Variants in LRP1B observed in about 807,000 individuals in gnomAD.
LRP1B encodes the protein low-density lipoprotein receptor-related protein 1B.
LRP1B carries 217 observed loss-of-function variants against 556.6 expected under a neutral mutation model. The observed-to-expected ratio is 0.39, with a 90% confidence interval of 0.35 to 0.44. The LOEUF (loss-of-function observed/expected upper bound fraction) is 0.44, where lower values mean the gene tolerates loss of function less well. Ranked by LOEUF, LRP1B falls within the 20% of genes least tolerant of loss-of-function variation. The pLI is 1.00. For synonymous variants in LRP1B, 2,047 were observed against 1,865.8 expected, an observed-to-expected ratio of 1.10 and a Z score of -2.50; for missense variants, 5,053 against 5,620.8, an observed-to-expected ratio of 0.90 and a Z score of 3.23.
At chr2:141,607,215 G>A (rs1212994112) in intron 2 of LRP1B, among the ~76,000 whole-genome samples, 3 of 151,112 alleles carry the variant, frequency 2.0e-5, no homozygotes, top group African/African-American at 7.3e-5. Context: ...ACAGACATAA[G>A]TGAGTGCATA....
intron 57 of LRP1B, among the ~76,000 whole-genome samples, chr2:140,488,110 C>T (rs967510111): frequency 6.6e-6 from 1 of 151,796 alleles, no homozygotes; most frequent in Non-Finnish European, 1.5e-5. Context: ...ATAGTCTGTT[C>T]CATGGAAGAG....
intron 37 of LRP1B, 147 bp from the exon 38 acceptor site, chr2:140,702,700 T>C (rs2105431759): frequency 1.4e-6 from 1 of 694,566 alleles, no homozygotes; most frequent in Non-Finnish European, 2.3e-6. Context: ...AGTGTGCTTA[T>C]GGTTCCGATA....
Position 141,256,313 on chromosome 2 carries a change from A to C in LRP1B, c.344-1672T>G, listed in dbSNP as rs1684463606. Among the ~76,000 whole-genome samples the C allele has an allele frequency of 2.6e-5, 4 of 152,012 alleles. 1 individual carries two copies. The South Asian group carries it at 8.3e-4, about 32-fold the overall frequency. ...TAAATAGAAAGACCTGAAAGCATGCAAGAAACACAGGCAACAATAACGAAC... is the reference window on the plus strand; with the variant it reads ...TAAATAGAAAGACCTGAAAGCATGCCAGAAACACAGGCAACAATAACGAAC... On this transcript the variant is annotated intron_variant, in intron 3 of 90. Transcript: ENST00000389484.
At chr2:140,693,154 A>C (rs1479770634) in intron 41 of LRP1B, among the ~76,000 whole-genome samples, 1 of 152,080 alleles carries the variant, frequency 6.6e-6, no homozygotes, top group African/African-American at 2.4e-5. Flanking sequence ...GTAATATCAT[A>C]TTGTGTTAAT....
At position 140,491,771 on chromosome 2, in the gene LRP1B, C is replaced by T. The variant is rs77274347; in HGVS notation, c.9120+837G>A. 0.01 allele frequency among the ~76,000 whole-genome samples: 1,575 copies of T among 151,974 alleles called. 52 individuals are homozygous for T. In the East Asian group the frequency reaches 0.14, roughly 13 times the overall value. On this transcript the variant is annotated intron_variant, in intron 57 of 90. Coordinates refer to ENST00000389484, the MANE Select transcript of LRP1B (RefSeq NM_018557.3). Reference sequence around the variant, plus strand: ...TGTTAGTTTTTTATAAACAACATAACAATATTTTATATTTTACTCAGTCTT... The same window carrying T: ...TGTTAGTTTTTTATAAACAACATAATAATATTTTATATTTTACTCAGTCTT...
chr2:141,329,469 C>A (rs140246057), intron 3 of LRP1B, among the ~76,000 whole-genome samples: 7,516 of 150,728 alleles, frequency 0.05, 610 homozygotes, highest in African/African-American at 0.17. Context: ...ACAGTGAAAC[C>A]CTGTCTCTAC....
intron 3 of LRP1B, among the ~76,000 whole-genome samples, chr2:141,316,431 T>C (rs921722871): frequency 6.6e-6 from 1 of 152,138 alleles, no homozygotes; most frequent in Non-Finnish European, 1.5e-5. Flanking sequence ...ATTTCCATTG[T>C]ATCACTTTAA....
At chr2:141,871,560 A>G (rs940329540) in intron 1 of LRP1B, among the ~76,000 whole-genome samples, 1 of 152,040 alleles carries the variant, frequency 6.6e-6, no homozygotes, top group African/African-American at 2.4e-5. Flanking sequence ...CTAGACTAAG[A>G]ATTATACCTA....
intron 2 of LRP1B, among the ~76,000 whole-genome samples, chr2:141,557,702 T>TAAAC (rs1686010514): frequency 6.6e-6 from 1 of 151,912 alleles, no homozygotes; most frequent in Non-Finnish European, 1.5e-5. Context: ...CCTTGTGGAA[T>TAAAC]AAACCTTCCT....
At chr2:141,881,963 C>T (rs946654745) in intron 1 of LRP1B, among the ~76,000 whole-genome samples, 1 of 152,052 alleles carries the variant, frequency 6.6e-6, no homozygotes, top group Non-Finnish European at 1.5e-5. Context: ...TACTATGTTG[C>T]CCAGGCTAGT....
At chr2:141,689,285 C>T (rs886839877) in intron 2 of LRP1B, among the ~76,000 whole-genome samples, 1 of 151,700 alleles carries the variant, frequency 6.6e-6, no homozygotes, top group Admixed American at 6.6e-5. Context: ...GGTAATTTAT[C>T]CAAGGTAGAC....
intron 1 of LRP1B, among the ~76,000 whole-genome samples, chr2:141,988,694 C>A (rs1463124571): frequency 2.6e-5 from 4 of 151,988 alleles, no homozygotes; most frequent in African/African-American, 7.2e-5. Flanking sequence ...AAGATATTTG[C>A]AGTGGTGCTC....
At chr2:141,641,353 A>G (rs1469495315) in intron 2 of LRP1B, among the ~76,000 whole-genome samples, 1 of 152,200 alleles carries the variant, frequency 6.6e-6, no homozygotes, top group Non-Finnish European at 1.5e-5. Flanking sequence ...TGTCCCCAAC[A>G]TTGATATAAA....
intron 7 of LRP1B, among the ~76,000 whole-genome samples, chr2:141,169,391 C>T (rs1436024086): frequency 6.6e-6 from 1 of 151,796 alleles, no homozygotes; most frequent in Non-Finnish European, 1.5e-5. Flanking sequence ...CAATTAGCAA[C>T]AAGTTTTGGA....
intron 1 of LRP1B, among the ~76,000 whole-genome samples, chr2:141,916,662 G>A (rs574453998): frequency 4.6e-4 from 70 of 151,472 alleles, no homozygotes; most frequent in Admixed American, 1.8e-3. Context: ...GATTACAGGC[G>A]TGAGCCACCG....
chr2:141,456,888 T>C (rs978983188), intron 3 of LRP1B, among the ~76,000 whole-genome samples: 4 of 152,290 alleles, frequency 2.6e-5, no homozygotes, highest in African/African-American at 9.6e-5. Context: ...GAAGATGAGG[T>C]TGGTGAAATA....
chr2:140,763,448 A>C (rs288103), intron 35 of LRP1B, among the ~76,000 whole-genome samples: 2,555 of 152,168 alleles, frequency 0.017, 83 homozygotes, highest in African/African-American at 0.057. Context: ...GATTAAACTA[A>C]AGTCGGTGTC....
chr2:140,923,415 A>G (rs1694800956), intron 20 of LRP1B, among the ~76,000 whole-genome samples: 1 of 152,096 alleles, frequency 6.6e-6, no homozygotes, highest in African/African-American at 2.4e-5. Context: ...ACATTAGAAA[A>G]GAAGAAGTAA....
chr2:142,030,036 G>GAA lies in LRP1B; in HGVS notation c.82+100610_82+100611dup, dbSNP rs11362272. 5.9e-3 allele frequency among the ~76,000 whole-genome samples: 867 copies of GAA among 146,770 alleles called. 14 individuals carry two copies. The highest frequency in any genetic ancestry group is 0.02 in the African/African-American group (803 of 40,342). Reference sequence around the variant, plus strand: ...AATACTCATATTGTGTCCTTTTTAGGAAAAAAAAAAAAACTCTGCAAGTTG... The same window carrying GAA: ...AATACTCATATTGTGTCCTTTTTAGGAAAAAAAAAAAAAAACTCTGCAAGTTG... On this transcript the variant is annotated intron_variant, in intron 1 of 90. Coordinates refer to ENST00000389484, the MANE Select transcript of LRP1B (RefSeq NM_018557.3).
Sources: gnomAD v4.1 joint callset for allele counts (sites outside exome capture counted in the v4.1 genomes callset) on GRCh38, gnomAD v4.1.1 for gene constraint, MANE v1.5 for transcripts, NCBI Gene and HGNC (gene_info 2026-07-23, HGNC 2026-07-21) for gene names.